Variants in KCNK2 observed in about 807,000 individuals in gnomAD.
KCNK2 encodes the protein potassium two pore domain channel subfamily K member 2, also known as potassium channel subfamily K member 2.
Under a neutral mutation model 40.5 loss-of-function variants are expected in KCNK2, and 21 were observed. That is an observed-to-expected ratio of 0.52 (90% confidence interval 0.37 to 0.75). The LOEUF is 0.75. Ranked by LOEUF, KCNK2 falls within the 30% of genes least tolerant of loss-of-function variation. The pLI is 0.00. For missense variants in KCNK2, 399 were observed against 531.6 expected, an observed-to-expected ratio of 0.75 and a Z score of 2.45; for synonymous variants, 191 against 202.2, an observed-to-expected ratio of 0.94 and a Z score of 0.47.
intron 6 of KCNK2, among the ~76,000 whole-genome samples, chr1:215,214,545 G>A (rs1665880779): frequency 6.6e-6 from 1 of 152,154 alleles, no homozygotes. Flanking sequence ...AGCAATCATG[G>A]CCAGGCTCAG....
intron 3 of KCNK2, among the ~76,000 whole-genome samples, chr1:215,129,454 C>T (rs1336432256): frequency 6.6e-6 from 1 of 152,080 alleles, no homozygotes; most frequent in African/African-American, 2.4e-5. Context: ...AAAAGAAACT[C>T]ATGACAGAGA....
At chr1:215,086,263 G>A in intron 1 of KCNK2, 105 bp from the exon 2 acceptor site, 1 of 892,160 alleles carries the variant, frequency 1.1e-6, no homozygotes, top group Non-Finnish European at 1.8e-6. Context: ...TCCACTAGGA[G>A]AGCGAGCGGA....
At chr1:215,093,792 TATATAATATAAA>T (rs1659836450) in intron 2 of KCNK2, among the ~76,000 whole-genome samples, 1 of 13,640 alleles carries the variant, frequency 7.3e-5, no homozygotes, top group Non-Finnish European at 2.8e-4. Context: ...TATTATATAT[TATATAATATAAA>T]ATATATTATA....
chr1:215,187,055 G>A (rs550773282), intron 5 of KCNK2, among the ~76,000 whole-genome samples: 130 of 152,122 alleles, frequency 8.5e-4, no homozygotes, highest in African/African-American at 3.0e-3. Context: ...CTGCAGCCTC[G>A]ACATTCTGGG....
intron 3 of KCNK2, among the ~76,000 whole-genome samples, chr1:215,145,277 T>A (rs1481266848): frequency 6.6e-6 from 1 of 152,290 alleles, no homozygotes; most frequent in African/African-American, 2.4e-5. Context: ...GTTTGTTATA[T>A]TATGTATTCC....
chr1:215,007,037 A>ATATGTGTGTGTGTGTGTGTGTGTG, intron 1 of KCNK2, among the ~76,000 whole-genome samples: 1 of 51,590 alleles, frequency 1.9e-5, no homozygotes, highest in South Asian at 5.7e-4. Flanking sequence ...ATATATATAT[A>ATATGTGTGTGTGTGTGTGTGTGTG]TGTGTGTGTG....
rs1346424256 is a variant in KCNK2, at chr1:215,209,254, C to CACATATT, written c.963+14162_963+14163insACATATT. Among the ~76,000 whole-genome samples the CACATATT allele has an allele frequency of 7.8e-3, 918 of 117,042 alleles. 23 individuals are homozygous for CACATATT. The highest frequency in any genetic ancestry group is 0.026 in the African/African-American group (740 of 28,424). The allele number at this position is 117,042 out of a possible 152,430, so 76.8% of individuals were successfully genotyped here. A position where few individuals can be genotyped will look rare whatever the true frequency, so the allele number is the denominator to read the frequency against. On this transcript the variant is annotated intron_variant, in intron 6 of 6. Coordinates refer to ENST00000444842, the MANE Select transcript of KCNK2 (RefSeq NM_001017425.3). ...AAAATATATATAAATATACACATAT[C>CACATATT]TTATATATAAAATATATAAATATAC... is the stretch of plus-strand genomic sequence containing the variant.
Position 215,042,959 on chromosome 1 carries a change from T to C in KCNK2, c.34+37004T>C, listed in dbSNP as rs1571865490. On this transcript the variant is annotated intron_variant, in intron 1 of 6. Transcript: ENST00000391895. Reference sequence around the variant, plus strand: ...TTATTGAATTTAATGTTATCTCTTATGACATTGTATAAAAAACATTTACTA... The same window carrying C: ...TTATTGAATTTAATGTTATCTCTTACGACATTGTATAAAAAACATTTACTA... 2.0e-5 allele frequency among the ~76,000 whole-genome samples: 3 copies of C among 152,194 alleles called. No individual in the cohort carries two copies. The South Asian group carries it at 6.2e-4, about 32-fold the overall frequency.
At chr1:215,192,920 CTTT>C (rs1664725154) in intron 5 of KCNK2, among the ~76,000 whole-genome samples, 1 of 151,950 alleles carries the variant, frequency 6.6e-6, no homozygotes, top group African/African-American at 2.4e-5. Context: ...CAGAAAAATG[CTTT>C]TTATTGACCC....
At chr1:215,066,928 A>C (rs1300482220) in intron 1 of KCNK2, among the ~76,000 whole-genome samples, 3 of 152,220 alleles carry the variant, frequency 2.0e-5, no homozygotes, top group South Asian at 2.1e-4. Context: ...CATATGATAT[A>C]ATTTTTGTAA....
chr1:215,182,217 G>A (rs112403544), intron 5 of KCNK2, among the ~76,000 whole-genome samples: 281 of 152,290 alleles, frequency 1.8e-3, no homozygotes, highest in Non-Finnish European at 2.2e-3. Context: ...GTGTGGAGCA[G>A]AGAGGGCCCC....
At chr1:215,210,040 T>C (rs1447979335) in intron 6 of KCNK2, among the ~76,000 whole-genome samples, 2 of 108,836 alleles carry the variant, frequency 1.8e-5, no homozygotes, top group African/African-American at 3.6e-5. Context: ...ATATAATATA[T>C]ATAATATATA....
intron 1 of KCNK2, among the ~76,000 whole-genome samples, chr1:215,048,924 C>A (rs532052525): frequency 1.7e-4 from 26 of 152,264 alleles, no homozygotes; most frequent in African/African-American, 6.0e-4. Context: ...GCATCTGGGG[C>A]ACTTCCAGTA....
chr1:215,090,727 T>C (rs906315698), intron 2 of KCNK2, among the ~76,000 whole-genome samples: 6 of 152,192 alleles, frequency 3.9e-5, no homozygotes, highest in African/African-American at 1.4e-4. Context: ...CATTTGACTT[T>C]TTTGTTTTCT....
chr1:215,036,230 ACAT>A (rs1285884660), intron 1 of KCNK2, among the ~76,000 whole-genome samples: 3 of 151,790 alleles, frequency 2.0e-5, no homozygotes, highest in Non-Finnish European at 4.4e-5. Flanking sequence ...GGTGAGATAA[ACAT>A]CATGATTCAT....
intron 1 of KCNK2, among the ~76,000 whole-genome samples, chr1:215,006,562 T>C (rs946425816): frequency 1.6e-4 from 24 of 152,300 alleles, no homozygotes; most frequent in African/African-American, 5.8e-4. Context: ...GATGTCTCTA[T>C]GTGAGACTTC....
In KCNK2 at chr1:215,194,978, C is replaced by T; in HGVS notation, c.849C>T (p.Asp283=). The T allele has an allele frequency of 6.2e-7, 1 of 1,613,244 alleles. No homozygotes were observed. Among genetic ancestry groups the T allele is most frequent in the Non-Finnish European group, 8.5e-7 (1 of 1,179,532 alleles). The change falls in exon 6 of 7, where the codon GAC becomes GAT. Residue 283 remains aspartate, a synonymous_variant. Transcript: ENST00000444842. ...GTGGATCCGATATTGAATATCTGGACTTCTATAAGCCTGTCGTGTGGTTCT... is the reference window on the plus strand; with the variant it reads ...GTGGATCCGATATTGAATATCTGGATTTCTATAAGCCTGTCGTGTGGTTCT... The part of the protein sequence containing the change: ...VAGGSDIEYL[D]FYKPVVWFWI...
chr1:215,086,153 C>A (rs1278578093), intron 1 of KCNK2, among the ~76,000 whole-genome samples: 1 of 152,192 alleles, frequency 6.6e-6, no homozygotes, highest in Non-Finnish European at 1.5e-5. Flanking sequence ...ATTTTGAACT[C>A]CAATAGCAGC....
At chr1:215,168,530 G>A (rs1026144283) in intron 3 of KCNK2, among the ~76,000 whole-genome samples, 4 of 152,098 alleles carry the variant, frequency 2.6e-5, no homozygotes, top group African/African-American at 7.2e-5. Flanking sequence ...GCCATAAAAA[G>A]GAATGAGATC....
Sources: allele counts gnomAD v4.1 joint callset (sites outside exome capture counted in the v4.1 genomes callset), GRCh38; gene constraint gnomAD v4.1.1; transcripts MANE v1.5; gene names NCBI Gene and HGNC (gene_info 2026-07-23, HGNC 2026-07-21).